ZMAT3: variants seen among roughly 807,000 people sequenced by gnomAD.
The protein encoded by ZMAT3 is zinc finger matrin-type protein 3.
A neutral mutation model predicts 32.3 loss-of-function variants in ZMAT3; 17 were observed. The observed-to-expected ratio is 0.53, with a 90% CI of 0.36 to 0.79. The LOEUF (loss-of-function observed/expected upper bound fraction) is 0.79, where lower values mean the gene tolerates loss of function less well. Ranked by LOEUF, ZMAT3 falls within the 30% of genes least tolerant of loss-of-function variation. The probability of loss-of-function intolerance (pLI) is 0.00; values close to 1 mark genes in which losing one functional copy is unlikely to be tolerated. For missense variants in ZMAT3, 329 were observed against 359.7 expected (o/e 0.91, Z 0.69); for synonymous variants, 120 against 133.1 (o/e 0.90, Z 0.68).
At chr3:179,025,463 C>T (rs1480004473) in intron 5 of ZMAT3, among the ~76,000 whole-genome samples, 2 of 152,080 alleles carry the variant, frequency 1.3e-5, no homozygotes, top group African/African-American at 4.8e-5. Flanking sequence ...AGAGCCAAAC[C>T]CAAATTCCAA....
rs1237027734 is a variant in ZMAT3, at chr3:179,046,734, C to G, written c.271-15735G>C. Among the ~76,000 whole-genome samples the G allele has an allele frequency of 6.6e-6, 1 of 152,184 alleles. No homozygotes were observed. The highest frequency in any genetic ancestry group is 1.5e-5 in the Non-Finnish European group (1 of 68,022). Reference sequence around the variant, plus strand: ...GCTGGGTGAGGCCTGTAACAGCCAGCTTTCCCCCAATTCCCTGGTGACCTG... The same window carrying G: ...GCTGGGTGAGGCCTGTAACAGCCAGGTTTCCCCCAATTCCCTGGTGACCTG... On this transcript the variant is annotated intron_variant, in intron 2 of 5. Transcript: ENST00000311417. The surrounding 1 kb of genome is among the most constrained non-coding windows in gnomAD (Gnocchi z 4.3).
chr3:179,018,772 T>C lies in ZMAT3; in HGVS notation c.*6245A>G, dbSNP rs1323322047. 3 of 152,198 alleles carry C rather than the reference T, an allele frequency of 2.0e-5. No individual in the cohort carries two copies. Among genetic ancestry groups the C allele is most frequent in the Non-Finnish European group, 4.4e-5 (3 of 68,022 alleles). The allele number at this position is 152,198 out of a possible 1,614,324, so 9.4% of individuals were successfully genotyped here. A position where few individuals can be genotyped will look rare whatever the true frequency, so the allele number is the denominator to read the frequency against. On this transcript the variant is annotated 3_prime_UTR_variant, in exon 6 of 6. Coordinates refer to ENST00000311417, the MANE Select transcript of ZMAT3 (RefSeq NM_022470.4). ...GGCTTACAATTTCAACAACTCATTG[T>C]ACAGTACAATCATTTTTAATTCTGC... is the stretch of plus-strand genomic sequence containing the variant.
Position 179,017,663 on chromosome 3 carries a change from A to G in ZMAT3, c.*7354T>C, listed in dbSNP as rs1483083151. On this transcript the variant is annotated 3_prime_UTR_variant, in exon 6 of 6. Coordinates refer to ENST00000311417, the MANE Select transcript of ZMAT3 (RefSeq NM_022470.4). ...CAAAGATAGTTCTAGTGAAATAGCA[A>G]AAGCAGTTTTAAAAGTTTGCCATGC... The G allele has an allele frequency of 6.6e-6, 1 of 152,242 alleles. No individual in the cohort carries two copies. Among genetic ancestry groups the G allele is most frequent in the Non-Finnish European group, 1.5e-5 (1 of 68,046 alleles). 9.4% of individuals were successfully genotyped at this position (152,242 alleles called of 1,614,324 possible).
intron 2 of ZMAT3, among the ~76,000 whole-genome samples, chr3:179,054,013 T>C (rs916369205): frequency 1.3e-5 from 2 of 152,248 alleles, no homozygotes; most frequent in Non-Finnish European, 2.9e-5. Context: ...ACTGTAGTTA[T>C]GTAAAATGTT....
At chr3:179,054,443 T>C (rs1720726962) in intron 2 of ZMAT3, among the ~76,000 whole-genome samples, 1 of 152,226 alleles carries the variant, frequency 6.6e-6, no homozygotes, top group Non-Finnish European at 1.5e-5. Context: ...ATAAAACAGA[T>C]GCTATGAATT....
At chr3:179,047,249 G>A (rs188043975) in intron 2 of ZMAT3, among the ~76,000 whole-genome samples, 640 of 152,228 alleles carry the variant, frequency 4.2e-3, no homozygotes, top group Non-Finnish European at 6.5e-3. Flanking sequence ...AGATCCAGAA[G>A]AAAAATAACA....
rs1029074655 is a variant in ZMAT3, at chr3:179,024,515, C to T, written c.*502G>A. ...GTCCCGGGAAAGACCTTAACAGTTT[C>T]TAATAATGTATTCTACTGACAATGC... On this transcript the variant is annotated 3_prime_UTR_variant, in exon 6 of 6. Coordinates refer to ENST00000311417, the MANE Select transcript of ZMAT3 (RefSeq NM_022470.4). 2 of 154,742 alleles carry T rather than the reference C, an allele frequency of 1.3e-5. No homozygotes were observed. Among genetic ancestry groups the T allele is most frequent in the East Asian group, 3.8e-4 (2 of 5,314 alleles). 9.6% of individuals were successfully genotyped at this position (154,742 alleles called of 1,614,324 possible).
intron 1 of ZMAT3, among the ~76,000 whole-genome samples, chr3:179,068,347 A>G (rs569689259): frequency 6.6e-6 from 1 of 152,298 alleles, no homozygotes; most frequent in African/African-American, 2.4e-5. Flanking sequence ...CCCCGTCTCT[A>G]CTAAAAATAC....
At chr3:179,025,853 A>T (rs1718838763) in intron 5 of ZMAT3, among the ~76,000 whole-genome samples, 1 of 152,226 alleles carries the variant, frequency 6.6e-6, no homozygotes, top group African/African-American at 2.4e-5. Context: ...ACATATGAAG[A>T]GACTAGAATG....
At chr3:179,031,463 G>A (rs1362628220) in intron 2 of ZMAT3, among the ~76,000 whole-genome samples, 1 of 151,988 alleles carries the variant, frequency 6.6e-6, no homozygotes, top group Non-Finnish European at 1.5e-5. Context: ...ACACAACCCT[G>A]GGGGTAAACA....
In ZMAT3 at chr3:179,027,688, G is replaced by C. The variant is rs2108536390; in HGVS notation, c.515C>G (p.Ala172Gly). 3 of 1,614,168 alleles carry C rather than the reference G, an allele frequency of 1.9e-6. No homozygotes were observed. Among genetic ancestry groups the C allele is most frequent in the Non-Finnish European group, 2.5e-6 (3 of 1,180,036 alleles). The change falls in exon 4 of 6, where the codon GCC (alanine) becomes GGC (glycine). Residue 172 changes from alanine to glycine, a missense_variant. Coordinates refer to ENST00000311417, the MANE Select transcript of ZMAT3 (RefSeq NM_022470.4). The part of the protein sequence containing the change: ...AQAHYQGKNH[A>G]KRLRLAEAQS... ...AGCTTCCGCCAGCCGCAGCCTCTTGGCATGATTCTTCCCTTGATAGTGAGC... is the reference window on the plus strand; with the variant it reads ...AGCTTCCGCCAGCCGCAGCCTCTTGCCATGATTCTTCCCTTGATAGTGAGC...
chr3:179,072,412 A>C (rs1034519213), upstream of ZMAT3: 3 of 152,194 alleles, frequency 2.0e-5, no homozygotes, highest in Non-Finnish European at 4.4e-5. Context: ...TGACCCCCAG[A>C]GGCTCACCTG....
At chr3:179,059,148 G>C (rs1219799444) in intron 2 of ZMAT3, among the ~76,000 whole-genome samples, 2 of 152,104 alleles carry the variant, frequency 1.3e-5, no homozygotes, top group Non-Finnish European at 2.9e-5. Flanking sequence ...GAAATGCCAA[G>C]TGGATATTGA....
intron 2 of ZMAT3, among the ~76,000 whole-genome samples, chr3:179,047,191 G>A (rs1441131872): frequency 1.3e-5 from 2 of 152,208 alleles, no homozygotes; most frequent in Non-Finnish European, 2.9e-5. Flanking sequence ...ACTCCCTGCA[G>A]ACACTGCCCA....
intron 1 of ZMAT3, among the ~76,000 whole-genome samples, chr3:179,068,117 G>A (rs1453364334): frequency 6.6e-6 from 1 of 152,166 alleles, no homozygotes; most frequent in Non-Finnish European, 1.5e-5. Context: ...AAAGTCACAT[G>A]GCTGAAATGG....
At chr3:179,042,809 G>C (rs1720024175) in intron 2 of ZMAT3, among the ~76,000 whole-genome samples, 1 of 152,204 alleles carries the variant, frequency 6.6e-6, no homozygotes, top group African/African-American at 2.4e-5. Flanking sequence ...TGACATGATT[G>C]TATATTTAGA....
chr3:179,070,461 A>C (rs1307862183), intron 1 of ZMAT3, among the ~76,000 whole-genome samples: 3 of 152,248 alleles, frequency 2.0e-5, no homozygotes, highest in Non-Finnish European at 4.4e-5. Flanking sequence ...TTAACAATCA[A>C]CACAATGTCG....
At chr3:179,040,196 G>A (rs1169969569) in intron 2 of ZMAT3, among the ~76,000 whole-genome samples, 1 of 152,148 alleles carries the variant, frequency 6.6e-6, no homozygotes, top group African/African-American at 2.4e-5. Context: ...AACCTAGCAA[G>A]GCAGGCCAAC....
At chr3:179,067,426 G>C (rs1721470324) in intron 2 of ZMAT3, 57 bp downstream of exon 2, 1 of 1,575,518 alleles carries the variant, frequency 6.3e-7, no homozygotes, top group Non-Finnish European at 8.7e-7. Flanking sequence ...CTGCTAAATA[G>C]CCAGAGCCCT....
Sources: gnomAD v4.1 joint callset for allele counts (sites outside exome capture counted in the v4.1 genomes callset) on GRCh38, gnomAD v4.1.1 for gene constraint, Gnocchi (gnomAD v3.1) non-coding constraint, MANE v1.5 for transcripts, NCBI Gene and HGNC (gene_info 2026-07-23, HGNC 2026-07-21) for gene names.